The following NELL1 variants were observed in gnomAD, a reference collection of about 807,000 sequenced individuals.
The protein encoded by NELL1 is neural EGFL like 1.
A neutral mutation model predicts 107.4 loss-of-function variants in NELL1; 76 were observed. The observed-to-expected ratio is 0.71, with a 90% confidence interval of 0.59 to 0.86. The LOEUF (loss-of-function observed/expected upper bound fraction) is 0.86. Among genes scored for constraint, NELL1 ranks in the 40% least tolerant of loss-of-function variants. The probability of loss-of-function intolerance (pLI) is 0.00; values close to 1 mark genes in which losing one functional copy is unlikely to be tolerated. For missense variants in NELL1, 1,024 were observed against 1,005.5 expected (o/e 1.02, Z -0.25); for synonymous variants, 353 against 341.2 (o/e 1.03, Z -0.38).
At chr11:20,808,091 C>G (rs1857422397) in intron 3 of NELL1, among the ~76,000 whole-genome samples, 1 of 152,160 alleles carries the variant, frequency 6.6e-6, no homozygotes, top group Admixed American at 6.5e-5. Context: ...CCTTTTTACT[C>G]TTTCCTCTGC....
intron 14 of NELL1, among the ~76,000 whole-genome samples, chr11:21,282,497 A>G (rs1285784332): frequency 6.6e-6 from 1 of 151,506 alleles, no homozygotes; most frequent in Non-Finnish European, 1.5e-5. Context: ...AAAAAAAAAA[A>G]AGGCTTATAT....
At chr11:21,390,817 AT>A (rs1485438073) in intron 15 of NELL1, among the ~76,000 whole-genome samples, 2 of 151,838 alleles carry the variant, frequency 1.3e-5, no homozygotes, top group African/African-American at 4.8e-5. Flanking sequence ...TGTATTTGAT[AT>A]TTTATAATGT....
chr11:20,965,837 G>T (rs1223057737), intron 12 of NELL1, among the ~76,000 whole-genome samples: 1 of 151,950 alleles, frequency 6.6e-6, no homozygotes, highest in Non-Finnish European at 1.5e-5. Flanking sequence ...TACCTAAGTG[G>T]GTAGATACTT....
chr11:21,291,748 C>G (rs1307342714), intron 14 of NELL1, among the ~76,000 whole-genome samples: 2 of 152,006 alleles, frequency 1.3e-5, no homozygotes, highest in African/African-American at 2.4e-5. Context: ...CAGCTTCATC[C>G]CTGGGATGCA....
At chr11:20,894,988 C>CTTCATCCTTGCTCCATGTACCCCA (rs1849694435) in intron 5 of NELL1, among the ~76,000 whole-genome samples, 18 of 150,964 alleles carry the variant, frequency 1.2e-4, no homozygotes, top group African/African-American at 4.4e-4. Flanking sequence ...ATTATTCCCT[C>CTTCATCCTTGCTCCATGTACCCCA]TGGCCGGGCG....
chr11:21,232,235 C>A (rs1311965624), intron 14 of NELL1, among the ~76,000 whole-genome samples: 2 of 147,054 alleles, frequency 1.4e-5, no homozygotes, highest in South Asian at 4.4e-4. Flanking sequence ...GAGGCTGAGG[C>A]AGGCGAATTG....
At chr11:21,021,282 G>T (rs1852694768) in intron 12 of NELL1, among the ~76,000 whole-genome samples, 1 of 151,850 alleles carries the variant, frequency 6.6e-6, no homozygotes, top group African/African-American at 2.4e-5. Flanking sequence ...TGGGGCTGGG[G>T]GTGGGGGTGG....
At chr11:20,984,002 C>T (rs547160350) in intron 12 of NELL1, among the ~76,000 whole-genome samples, 8 of 152,154 alleles carry the variant, frequency 5.3e-5, no homozygotes, top group Non-Finnish European at 1.2e-4. Context: ...AGCATTCTTC[C>T]CCTACTCCTT....
chr11:21,400,582 G>C (rs986950175), intron 15 of NELL1, among the ~76,000 whole-genome samples: 2 of 151,824 alleles, frequency 1.3e-5, no homozygotes, highest in African/African-American at 4.8e-5. Context: ...CTTGAAAGTT[G>C]ATAAACATGT....
chr11:21,158,056 G>C (rs1044745595), intron 13 of NELL1, among the ~76,000 whole-genome samples: 1 of 152,124 alleles, frequency 6.6e-6, no homozygotes, highest in African/African-American at 2.4e-5. Context: ...GATAAAAGCA[G>C]GCAGAGGAAC....
At chr11:21,540,282 C>T (rs1856258339) in intron 16 of NELL1, among the ~76,000 whole-genome samples, 1 of 152,156 alleles carries the variant, frequency 6.6e-6, no homozygotes, top group South Asian at 2.1e-4. Flanking sequence ...TAACTTACTC[C>T]TTCTATCTAA....
At chr11:21,113,298 T>A (rs563485067) in intron 12 of NELL1, among the ~76,000 whole-genome samples, 19 of 152,148 alleles carry the variant, frequency 1.2e-4, no homozygotes, top group Admixed American at 1.2e-3. Context: ...ATTTGGACAT[T>A]TAAAAAGAGT....
At chr11:21,318,265 G>T (rs1849924682) in intron 14 of NELL1, among the ~76,000 whole-genome samples, 1 of 152,166 alleles carries the variant, frequency 6.6e-6, no homozygotes, top group African/African-American at 2.4e-5. Flanking sequence ...GGTGTGCAGA[G>T]ATAGGACAGT....
chr11:21,473,247 A>G (rs1258097661), intron 15 of NELL1, among the ~76,000 whole-genome samples: 1 of 151,966 alleles, frequency 6.6e-6, no homozygotes, highest in Non-Finnish European at 1.5e-5. Flanking sequence ...TAAAGATGAG[A>G]AATCTTGTGT....
chr11:21,544,921 AT>A (rs1375757128), intron 16 of NELL1, among the ~76,000 whole-genome samples: 5 of 151,932 alleles, frequency 3.3e-5, no homozygotes, highest in East Asian at 3.9e-4. Flanking sequence ...AAATGATTGC[AT>A]ACACTACTTG....
rs574673382 is a variant in NELL1 at position 21,141,990 on chromosome 11, C to T, written c.1426+28276C>T. Among the ~76,000 whole-genome samples the T allele has an allele frequency of 5.3e-5, 8 of 152,232 alleles. No individual in the cohort carries two copies. The South Asian group carries it at 1.7e-3, about 32-fold the overall frequency. On this transcript the variant is annotated intron_variant, in intron 13 of 19. Transcript: ENST00000357134. ...TGTTGGCCAGGCTGGTCTCGAACTCCTGACCTCAGGTGATCCATCTGCTTC... is the reference window on the plus strand; with the variant it reads ...TGTTGGCCAGGCTGGTCTCGAACTCTTGACCTCAGGTGATCCATCTGCTTC...
chr11:20,968,554 T>C (rs1283850724), intron 12 of NELL1, among the ~76,000 whole-genome samples: 1 of 152,246 alleles, frequency 6.6e-6, no homozygotes, highest in African/African-American at 2.4e-5. Context: ...TTATTTCATA[T>C]GAACGTCACT....
intron 14 of NELL1, among the ~76,000 whole-genome samples, chr11:21,298,714 C>T (rs1190696845): frequency 6.6e-6 from 1 of 152,038 alleles, no homozygotes; most frequent in East Asian, 1.9e-4. Flanking sequence ...GGATGTATAC[C>T]ATCTGGACCA....
chr11:21,531,614 G>A (rs1411281611), intron 15 of NELL1, among the ~76,000 whole-genome samples: 1 of 152,188 alleles, frequency 6.6e-6, no homozygotes, highest in Non-Finnish European at 1.5e-5. Flanking sequence ...AGGACTTTCT[G>A]TAGGAGGAAA....
Sources: allele counts gnomAD v4.1 joint callset (sites outside exome capture counted in the v4.1 genomes callset), GRCh38; gene constraint gnomAD v4.1.1; transcripts MANE v1.5; gene names NCBI Gene and HGNC (gene_info 2026-07-23, HGNC 2026-07-21).